Variants in SORCS1 observed in about 807,000 individuals in gnomAD.
The protein encoded by SORCS1 is VPS10 domain-containing receptor SorCS1.
SORCS1 carries 60 observed loss-of-function variants against 146.1 expected under a neutral mutation model. That is an observed-to-expected ratio of 0.41 (90% CI 0.33 to 0.51). SORCS1 has a LOEUF of 0.51. Among genes scored for constraint, SORCS1 ranks in the 20% least tolerant of loss-of-function variants. SORCS1 has a pLI of 0.21. For synonymous variants in SORCS1, 637 were observed against 584.0 expected (o/e 1.09, Z -1.31); for missense variants, 1,352 against 1,487.6 (o/e 0.91, Z 1.50).
intron 1 of SORCS1, among the ~76,000 whole-genome samples, chr10:107,040,678 C>A (rs998958754): frequency 6.6e-6 from 1 of 152,112 alleles, no homozygotes; most frequent in Non-Finnish European, 1.5e-5. Context: ...CATAAAGAAA[C>A]CGGATTAGGG....
intron 5 of SORCS1, among the ~76,000 whole-genome samples, chr10:106,744,913 G>T (rs532714487): frequency 6.6e-6 from 1 of 152,224 alleles, no homozygotes; most frequent in African/African-American, 2.4e-5. Flanking sequence ...CACCTCCATG[G>T]TCAACCAAGA....
intron 18 of SORCS1, among the ~76,000 whole-genome samples, chr10:106,641,809 G>T (rs1849087357): frequency 6.6e-6 from 1 of 151,862 alleles, no homozygotes; most frequent in African/African-American, 2.4e-5. Context: ...ATTATATTTA[G>T]ATAATTTATT....
chr10:107,155,896 A>C (rs1969243776), intron 1 of SORCS1, among the ~76,000 whole-genome samples: 1 of 152,198 alleles, frequency 6.6e-6, no homozygotes, highest in Non-Finnish European at 1.5e-5. Context: ...CACGTTGTGC[A>C]CACTGTCACT....
chr10:106,654,923 T>C (rs1036898984), intron 17 of SORCS1, among the ~76,000 whole-genome samples: 1 of 152,094 alleles, frequency 6.6e-6, no homozygotes, highest in African/African-American at 2.4e-5. Flanking sequence ...GCGGCTTTAT[T>C]ATGGCTCACT....
chr10:106,919,049 C>T (rs1952579489), intron 2 of SORCS1, among the ~76,000 whole-genome samples: 1 of 152,128 alleles, frequency 6.6e-6, no homozygotes, highest in Non-Finnish European at 1.5e-5. Context: ...ATTGCCCATG[C>T]TGGCCTTGAA....
intron 2 of SORCS1, among the ~76,000 whole-genome samples, chr10:106,852,555 G>C (rs1043596715): frequency 2.6e-5 from 4 of 150,952 alleles, no homozygotes; most frequent in Non-Finnish European, 5.9e-5. Context: ...TTGAACCTGG[G>C]AGGTGGAGTT....
At chr10:106,980,789 A>C (rs1256824038) in intron 1 of SORCS1, among the ~76,000 whole-genome samples, 1 of 152,200 alleles carries the variant, frequency 6.6e-6, no homozygotes, top group African/African-American at 2.4e-5. Flanking sequence ...CAAAGGTCAT[A>C]TTTTCTAAGC....
At chr10:106,856,136 C>G (rs963855912) in intron 2 of SORCS1, among the ~76,000 whole-genome samples, 15 of 151,922 alleles carry the variant, frequency 9.9e-5, no homozygotes, top group Non-Finnish European at 1.6e-4. Flanking sequence ...AAGCTATTCT[C>G]CAGCCTCAGC....
chr10:106,662,404 C>T (rs796167019), intron 17 of SORCS1, among the ~76,000 whole-genome samples: 4 of 152,230 alleles, frequency 2.6e-5, no homozygotes, highest in African/African-American at 9.6e-5. Flanking sequence ...TGGTCATTCA[C>T]CCCACTTAAT....
chr10:107,064,676 C>A (rs1027543592), intron 1 of SORCS1, among the ~76,000 whole-genome samples: 1 of 152,186 alleles, frequency 6.6e-6, no homozygotes, highest in African/African-American at 2.4e-5. Context: ...TCCTCTCTTG[C>A]AGACAGCAAC....
At chr10:106,928,048 T>C (rs1298538312) in intron 2 of SORCS1, among the ~76,000 whole-genome samples, 4 of 152,252 alleles carry the variant, frequency 2.6e-5, no homozygotes, top group Non-Finnish European at 5.9e-5. Flanking sequence ...CTTCACCCAG[T>C]GGATCCCGCA....
intron 24 of SORCS1, among the ~76,000 whole-genome samples, chr10:106,588,944 A>G (rs1845423241): frequency 6.6e-6 from 1 of 150,808 alleles, no homozygotes; most frequent in South Asian, 2.1e-4. Context: ...GGTGAGGCTT[A>G]GAAAATCTCT....
intron 5 of SORCS1, among the ~76,000 whole-genome samples, chr10:106,750,962 G>A (rs1301096520): frequency 1.4e-5 from 2 of 147,488 alleles, no homozygotes; most frequent in Admixed American, 1.4e-4. Flanking sequence ...GGGAGGCTGA[G>A]GCGGGAGAAT....
At chr10:106,719,223 T>C (rs140398132) in intron 6 of SORCS1, among the ~76,000 whole-genome samples, 5 of 152,124 alleles carry the variant, frequency 3.3e-5, no homozygotes, top group African/African-American at 7.2e-5. Context: ...TGAAACCATT[T>C]AGCTCATGAA....
rs374405891 is a variant in SORCS1 at position 106,654,854 on chromosome 10, AT to A, written c.2304-2302del. The stretch of plus-strand genomic sequence containing the variant: ...AGCAATTTGAACATCATTCCATCTG[AT>A]TTTTTTTTTTTGTTTGAGACAGTCT... On this transcript the variant is annotated intron_variant, in intron 17 of 25. Transcript: ENST00000263054. Among the ~76,000 whole-genome samples the A allele has an allele frequency of 1.1e-3, 158 of 145,174 alleles. 1 individual carries two copies. Among genetic ancestry groups the A allele is most frequent in the African/African-American group, 1.6e-3 (65 of 39,862 alleles).
At chr10:107,066,490 T>G (rs1327350914) in intron 1 of SORCS1, among the ~76,000 whole-genome samples, 1 of 152,200 alleles carries the variant, frequency 6.6e-6, no homozygotes. Flanking sequence ...GGTATCTATC[T>G]GAAAGTGAAA....
intron 1 of SORCS1, among the ~76,000 whole-genome samples, chr10:106,964,400 C>T (rs2139105127): frequency 6.6e-6 from 1 of 152,260 alleles, no homozygotes; most frequent in Admixed American, 6.5e-5. Context: ...AACTCCTGAG[C>T]TCAAGTGATC....
At chr10:106,658,377 C>G (rs187878342) in intron 17 of SORCS1, among the ~76,000 whole-genome samples, 1 of 151,928 alleles carries the variant, frequency 6.6e-6, no homozygotes, top group Admixed American at 6.6e-5. Flanking sequence ...CCTTTTGTCA[C>G]GGTAGTTATC....
chr10:107,159,839 C>A (rs1316399092), intron 1 of SORCS1, among the ~76,000 whole-genome samples: 3 of 150,974 alleles, frequency 2.0e-5, no homozygotes, highest in African/African-American at 2.5e-5. Flanking sequence ...CAGCTCCTCC[C>A]CACCGAAAAA....
Sources: gnomAD v4.1 joint callset for allele counts (sites outside exome capture counted in the v4.1 genomes callset) on GRCh38, gnomAD v4.1.1 for gene constraint, MANE v1.5 for transcripts, NCBI Gene and HGNC (gene_info 2026-07-23, HGNC 2026-07-21) for gene names.